The following RANBP17 variants were observed in gnomAD, a reference collection of about 807,000 sequenced individuals.
The protein encoded by RANBP17 is RAN binding protein 17.
A neutral mutation model predicts 141.2 loss-of-function variants in RANBP17; 158 were observed. The observed-to-expected ratio is 1.12, with a 90% CI of 0.98 to 1.28. The LOEUF (loss-of-function observed/expected upper bound fraction) is 1.28. Ranked by LOEUF, RANBP17 falls within the 50% of genes most tolerant of loss-of-function variation. The pLI, the probability that RANBP17 is intolerant of heterozygous loss-of-function variation, is 0.00. For synonymous variants in RANBP17, 430 were observed against 450.0 expected (o/e 0.96, Z 0.56); for missense variants, 1,438 against 1,290.7 (o/e 1.11, Z -1.75).
At chr5:171,194,534 T>C (rs1224693426) in intron 18 of RANBP17, among the ~76,000 whole-genome samples, 1 of 152,228 alleles carries the variant, frequency 6.6e-6, no homozygotes, top group Non-Finnish European at 1.5e-5. Context: ...CATGTATTAA[T>C]ACTTTGTTCC....
At chr5:170,936,700 C>G (rs1245338202) in intron 12 of RANBP17, among the ~76,000 whole-genome samples, 1 of 151,974 alleles carries the variant, frequency 6.6e-6, no homozygotes. Context: ...ATGTATTTTG[C>G]TATTTTTGGG....
intron 12 of RANBP17, among the ~76,000 whole-genome samples, chr5:170,932,123 T>G (rs986892037): frequency 1.3e-5 from 2 of 152,154 alleles, no homozygotes; most frequent in Non-Finnish European, 2.9e-5. Flanking sequence ...GGTCCTTCAC[T>G]TCCCTTGTAA....
intron 16 of RANBP17, among the ~76,000 whole-genome samples, chr5:171,179,593 C>G (rs922172647): frequency 6.6e-6 from 1 of 152,110 alleles, no homozygotes; most frequent in African/African-American, 2.4e-5. Context: ...TGCCCAGATT[C>G]AGTATGATTA....
At position 170,955,582 on chromosome 5, in the gene RANBP17, G is replaced by GTATA. The variant is rs869169939; in HGVS notation, c.1574+1904_1574+1907dup. Among the ~76,000 whole-genome samples, 364 of 41,618 alleles carry GTATA rather than the reference G, an allele frequency of 8.7e-3. 9 individuals carry two copies. The highest frequency in any genetic ancestry group is 0.013 in the Non-Finnish European group (292 of 23,278). 27.3% of individuals were successfully genotyped at this position (41,618 alleles called of 152,430 possible). ...ATATATATATATGCTCAGTCTGTGT[G>GTATA]TATATATATATATATATATATATAT... is the stretch of plus-strand genomic sequence containing the variant. On this transcript the variant is annotated intron_variant, in intron 13 of 27. Transcript: ENST00000523189.
chr5:171,106,108 A>G (rs1754809724), intron 14 of RANBP17, among the ~76,000 whole-genome samples: 2 of 151,732 alleles, frequency 1.3e-5, no homozygotes, highest in East Asian at 2.1e-4. Context: ...CCATGGTGGA[A>G]TAGATCCATT....
chr5:170,971,539 A>G (rs934322614), intron 14 of RANBP17, among the ~76,000 whole-genome samples: 4 of 152,062 alleles, frequency 2.6e-5, no homozygotes, highest in Admixed American at 6.5e-5. Flanking sequence ...CCTCCTTTTT[A>G]TTGGATCTTT....
chr5:171,244,087 CA>C (rs371193594), intron 24 of RANBP17, among the ~76,000 whole-genome samples: 2 of 149,116 alleles, frequency 1.3e-5, no homozygotes, highest in African/African-American at 5.0e-5. Flanking sequence ...AATTCTGTCT[CA>C]AAAAAAATAT....
intron 14 of RANBP17, among the ~76,000 whole-genome samples, chr5:171,129,207 A>G (rs1043034507): frequency 7.2e-5 from 11 of 152,214 alleles, no homozygotes; most frequent in Admixed American, 5.2e-4. Flanking sequence ...TCTAGCTGTC[A>G]TTGTTTCTGA....
rs151171342 is a variant in RANBP17, at chr5:171,196,185, G to A, written c.2039-3485G>A. Among the ~76,000 whole-genome samples, 1,507 of 152,270 alleles carry A rather than the reference G, an allele frequency of 9.9e-3. 20 individuals carry two copies. The highest frequency in any genetic ancestry group is 0.015 in the Non-Finnish European group (1,043 of 68,022). The stretch of plus-strand genomic sequence containing the variant: ...GGTTGGAAAGTGATGTGGCGGGAGG[G>A]GAACTGTGATTACCATTTTAGATAG... On this transcript the variant is annotated intron_variant, in intron 18 of 27. Coordinates refer to ENST00000523189, the MANE Select transcript of RANBP17 (RefSeq NM_022897.5).
At chr5:171,164,949 G>A (rs1042346403) in intron 14 of RANBP17, among the ~76,000 whole-genome samples, 8 of 152,084 alleles carry the variant, frequency 5.3e-5, no homozygotes, top group African/African-American at 1.7e-4. Context: ...TGTTTTAACC[G>A]TCTTTATGCT....
chr5:170,899,105 T>A (rs1480086734), intron 5 of RANBP17, among the ~76,000 whole-genome samples: 3 of 152,232 alleles, frequency 2.0e-5, no homozygotes, highest in African/African-American at 7.2e-5. Flanking sequence ...ATAAATTACT[T>A]TGGGCAATAT....
chr5:170,911,496 A>G (rs942940161), intron 7 of RANBP17: 2 of 708,788 alleles, frequency 2.8e-6, no homozygotes, highest in Middle Eastern at 3.9e-4. Flanking sequence ...CAAACCTTTA[A>G]ATCTTCAGGA....
At chr5:170,908,012 G>C (rs1394256562) in intron 5 of RANBP17, among the ~76,000 whole-genome samples, 1 of 151,868 alleles carries the variant, frequency 6.6e-6, no homozygotes, top group East Asian at 1.9e-4. Flanking sequence ...TTATTAAATA[G>C]TGAAAAAACC....
chr5:170,922,668 G>T (rs967322476), intron 11 of RANBP17, among the ~76,000 whole-genome samples: 1 of 152,210 alleles, frequency 6.6e-6, no homozygotes, highest in African/African-American at 2.4e-5. Flanking sequence ...TGCTAAGACT[G>T]TGGGAAAAGC....
At chr5:171,160,645 T>G (rs964142545) in intron 14 of RANBP17, among the ~76,000 whole-genome samples, 1 of 152,156 alleles carries the variant, frequency 6.6e-6, no homozygotes, top group African/African-American at 2.4e-5. Context: ...CTAGATTACC[T>G]CCTATTTTGT....
chr5:171,265,610 G>A (rs1345694546), intron 24 of RANBP17, 71 bp from the exon 25 acceptor site: 1 of 1,289,556 alleles, frequency 7.8e-7, no homozygotes, highest in East Asian at 2.4e-5. Context: ...ATTTTTAATG[G>A]AGCCGTTAGA....
chr5:170,897,251 C>A, intron 5 of RANBP17: 1 of 645,258 alleles, frequency 1.5e-6, no homozygotes. Context: ...TTTAGAGAAA[C>A]TCAGAAAGTT....
chr5:171,210,972 C>A (rs148049661), intron 20 of RANBP17, among the ~76,000 whole-genome samples: 10 of 149,148 alleles, frequency 6.7e-5, no homozygotes, highest in African/African-American at 2.2e-4. Context: ...GCCACTGCAC[C>A]CCAGCCTGGC....
At chr5:170,890,893 G>A (rs1422154) in intron 3 of RANBP17, among the ~76,000 whole-genome samples, 91,547 of 151,992 alleles carry the variant, frequency 0.6, 29,277 homozygotes, top group South Asian at 0.9. Context: ...TTGGTGGGAC[G>A]GGATCTCACT....
Sources: gnomAD v4.1 joint callset for allele counts (sites outside exome capture counted in the v4.1 genomes callset) on GRCh38, gnomAD v4.1.1 for gene constraint, MANE v1.5 for transcripts, NCBI Gene and HGNC (gene_info 2026-07-23, HGNC 2026-07-21) for gene names.